The following OTUD7B variants were observed in gnomAD, a reference collection of about 807,000 sequenced individuals.
The protein encoded by OTUD7B is OTU domain-containing protein 7B.
OTUD7B carries 34 observed loss-of-function variants against 82.2 expected under a neutral mutation model. The ratio of observed to expected loss-of-function variants is 0.41; its 90% CI spans 0.31 to 0.55. The LOEUF (loss-of-function observed/expected upper bound fraction) is 0.55. OTUD7B is among the 20% of genes least tolerant of loss of function. OTUD7B has a pLI of 0.20. For synonymous variants in OTUD7B, 398 were observed against 402.7 expected (o/e 0.99, Z 0.14); for missense variants, 944 against 1,062.1 (o/e 0.89, Z 1.55).
upstream of OTUD7B, among the ~76,000 whole-genome samples, chr1:150,010,831 A>T (rs1484266782): frequency 1.3e-5 from 2 of 152,060 alleles, no homozygotes; most frequent in African/African-American, 4.8e-5. Context: ...GCCCCGTCGC[A>T]GCCCCGCCTT....
intron 1 of OTUD7B, among the ~76,000 whole-genome samples, chr1:150,003,021 C>T (rs932749822): frequency 5.3e-5 from 8 of 152,030 alleles, no homozygotes; most frequent in Non-Finnish European, 8.8e-5. Context: ...GAGGCCGAGG[C>T]GGGCGGATCG....
At chr1:150,001,516 TG>T (rs1652280142) in intron 1 of OTUD7B, among the ~76,000 whole-genome samples, 1 of 151,338 alleles carries the variant, frequency 6.6e-6, no homozygotes. Context: ...CAGAGGGGAG[TG>T]AAAAACCACC....
rs782512356 is a variant in OTUD7B at position 149,944,040 on chromosome 1, A to AG, written c.2348dup (p.Glu784Ter). On this transcript the variant is annotated frameshift_variant, in exon 12 of 12. Transcript: ENST00000581312. LOFTEE classifies it high-confidence loss of function. ...GACCTCCAGCCCATCCATCTGGCTC[A>AG]GGGGGCTCTCTGTAGCCATTGCTAT... is the stretch of plus-strand genomic sequence containing the variant. 6.2e-7 allele frequency: 1 copy of AG among 1,613,834 alleles called. No individual in the cohort carries two copies. The highest frequency in any genetic ancestry group is 1.1e-5 in the South Asian group (1 of 91,078).
intron 1 of OTUD7B, among the ~76,000 whole-genome samples, chr1:149,979,455 G>C (rs782470524): frequency 6.6e-6 from 1 of 152,018 alleles, no homozygotes; most frequent in Non-Finnish European, 1.5e-5. Flanking sequence ...CTATAATCTA[G>C]ACTTGTATTA....
intron 1 of OTUD7B, among the ~76,000 whole-genome samples, chr1:149,994,746 G>A (rs1276580527): frequency 6.6e-6 from 1 of 152,086 alleles, no homozygotes; most frequent in Admixed American, 6.5e-5. Flanking sequence ...GAGTAGCTAG[G>A]ACTACCGGCG....
At chr1:150,004,609 T>TA in intron 1 of OTUD7B, among the ~76,000 whole-genome samples, 1 of 150,498 alleles carries the variant, frequency 6.6e-6, no homozygotes, top group East Asian at 1.9e-4. Context: ...ATAAATAAAT[T>TA]TTATATATAT....
chr1:149,997,255 G>A (rs1553783655), intron 1 of OTUD7B, among the ~76,000 whole-genome samples: 1 of 152,152 alleles, frequency 6.6e-6, no homozygotes, highest in African/African-American at 2.4e-5. Flanking sequence ...TCTTAAATAT[G>A]CCTGACTATG....
At chr1:150,037,962 C>T in the OTUD7B span, among the ~76,000 whole-genome samples, 2 of 151,444 alleles carry the variant, frequency 1.3e-5, no homozygotes, top group African/African-American at 2.4e-5. Flanking sequence ...TCCACCTCCC[C>T]AGGCTCAGGG....
chr1:149,995,908 T>C (rs1270728089), intron 1 of OTUD7B, among the ~76,000 whole-genome samples: 1 of 152,210 alleles, frequency 6.6e-6, no homozygotes, highest in African/African-American at 2.4e-5. Flanking sequence ...GCAAAAGACA[T>C]TGGATCTTGG....
At chr1:150,018,105 G>A in the OTUD7B span, among the ~76,000 whole-genome samples, 1 of 152,188 alleles carries the variant, frequency 6.6e-6, no homozygotes, top group Non-Finnish European at 1.5e-5. Context: ...GAATTGAAAA[G>A]TGTCACCATT....
chr1:150,055,522 C>T, the OTUD7B span, among the ~76,000 whole-genome samples: 6 of 152,142 alleles, frequency 3.9e-5, no homozygotes, highest in Admixed American at 6.5e-5. Flanking sequence ...AACTACCATT[C>T]GACCCAGCAA....
chr1:150,032,465 G>GAAAA, the OTUD7B span, among the ~76,000 whole-genome samples: 63,598 of 84,874 alleles, frequency 0.75, 24,993 homozygotes, highest in East Asian at 0.8. Context: ...CCTGTCTACA[G>GAAAA]AAAAAAAAAA....
At chr1:149,983,150 C>T (rs185067371) in intron 1 of OTUD7B, among the ~76,000 whole-genome samples, 2 of 152,128 alleles carry the variant, frequency 1.3e-5, no homozygotes, top group Admixed American at 6.5e-5. Flanking sequence ...CCACTGCGCC[C>T]GGCCTCCTCT....
upstream of OTUD7B, among the ~76,000 whole-genome samples, chr1:150,014,050 G>GTA (rs200964766): frequency 5.4e-5 from 5 of 91,854 alleles, no homozygotes; most frequent in South Asian, 4.2e-4. Context: ...ATATGTGTGT[G>GTA]TATATATATG....
the OTUD7B span, among the ~76,000 whole-genome samples, chr1:150,058,524 C>A: frequency 4.6e-5 from 7 of 151,956 alleles, 1 homozygote; most frequent in Admixed American, 1.3e-4. Flanking sequence ...GACTGGGTGA[C>A]CCTGTCTTGA....
At chr1:150,002,022 CA>C (rs879971352) in intron 1 of OTUD7B, among the ~76,000 whole-genome samples, 53 of 152,224 alleles carry the variant, frequency 3.5e-4, no homozygotes, top group African/African-American at 1.2e-3. Flanking sequence ...TTTCCCTCCA[CA>C]AAAATCCAAT....
At chr1:150,018,488 T>G in the OTUD7B span, among the ~76,000 whole-genome samples, 1 of 152,192 alleles carries the variant, frequency 6.6e-6, no homozygotes. Context: ...TATATGATGC[T>G]GCAGCTAGTG....
the OTUD7B span, among the ~76,000 whole-genome samples, chr1:150,056,894 G>A: frequency 6.6e-6 from 1 of 152,120 alleles, no homozygotes; most frequent in Non-Finnish European, 1.5e-5. Flanking sequence ...ATGGATTACA[G>A]CTAAAATTAG....
the OTUD7B span, among the ~76,000 whole-genome samples, chr1:150,042,845 A>G: frequency 6.6e-6 from 1 of 152,222 alleles, no homozygotes; most frequent in East Asian, 1.9e-4. Context: ...AAAATTATAT[A>G]TCACTATGTC....
Sources: allele counts gnomAD v4.1 joint callset (sites outside exome capture counted in the v4.1 genomes callset), GRCh38; gene constraint gnomAD v4.1.1; transcripts MANE v1.5; gene names NCBI Gene and HGNC (gene_info 2026-07-23, HGNC 2026-07-21).